The following PCDHGA5 variants were observed in gnomAD, a reference collection of about 807,000 sequenced individuals.
PCDHGA5 encodes the protein protocadherin gamma subfamily A, 5.
Under a neutral mutation model 56.7 loss-of-function variants are expected in PCDHGA5, and 36 were observed. The observed-to-expected ratio is 0.64, with a 90% CI of 0.49 to 0.84. The LOEUF (loss-of-function observed/expected upper bound fraction) is 0.84, where lower values mean the gene tolerates loss of function less well. Ranked by LOEUF, PCDHGA5 falls within the 40% of genes least tolerant of loss-of-function variation. The probability of loss-of-function intolerance (pLI) is 0.00; values close to 1 mark genes in which losing one functional copy is unlikely to be tolerated. For missense variants in PCDHGA5, 1,305 were observed against 1,201.5 expected, an observed-to-expected ratio of 1.09 and a Z score of -1.27; for synonymous variants, 563 against 520.2, an observed-to-expected ratio of 1.08 and a Z score of -1.12.
At chr5:141,506,226 G>A (rs1248069119) in intron 3 of PCDHGA5, among the ~76,000 whole-genome samples, 3 of 152,152 alleles carry the variant, frequency 2.0e-5, no homozygotes, top group Non-Finnish European at 1.5e-5. Flanking sequence ...TGAGGCAGGA[G>A]GATCATGAGG....
intron 1 of PCDHGA5, chr5:141,388,782 A>G (rs1589071559): frequency 6.2e-7 from 1 of 1,613,902 alleles, no homozygotes; most frequent in African/African-American, 1.3e-5. Flanking sequence ...CGGGGAAATT[A>G]CTGTTTTAAA....
At chr5:141,455,159 G>GT (rs1390145608) in intron 1 of PCDHGA5, among the ~76,000 whole-genome samples, 2,419 of 144,948 alleles carry the variant, frequency 0.017, 50 homozygotes, top group African/African-American at 0.056. Context: ...TTAGTTTGTT[G>GT]GTTTTTTTTT....
At chr5:141,459,831 G>A (rs907978430) in intron 1 of PCDHGA5, among the ~76,000 whole-genome samples, 1 of 152,150 alleles carries the variant, frequency 6.6e-6, no homozygotes, top group Admixed American at 6.6e-5. Context: ...CTTTTCATGT[G>A]TTGTCTATTT....
At chr5:141,414,198 A>G (rs1561747621) in intron 1 of PCDHGA5, 2 of 1,611,542 alleles carry the variant, frequency 1.2e-6, no homozygotes, top group Non-Finnish European at 1.7e-6. Flanking sequence ...TGATTACAGT[A>G]GAAGATGTAA....
Position 141,414,407 on chromosome 5 carries a change from A to T in PCDHGA5, c.2421+47656A>T, listed in dbSNP as rs181582338. On this transcript the variant is annotated intron_variant, in intron 1 of 3. Transcript: ENST00000518069. ...GACAGTTATTACAGATTGGTGATACACAGAGCCCTTGACAGGGAACAGGTA... is the reference window on the plus strand; with the variant it reads ...GACAGTTATTACAGATTGGTGATACTCAGAGCCCTTGACAGGGAACAGGTA... 96 of 1,613,912 alleles carry T rather than the reference A, an allele frequency of 5.9e-5. No individual in the cohort carries two copies. In the East Asian group the frequency reaches 1.5e-3, roughly 25 times the overall value.
chr5:141,426,491 G>A, intron 1 of PCDHGA5: 1 of 336,822 alleles, frequency 3.0e-6, no homozygotes, highest in South Asian at 2.4e-5. Flanking sequence ...CTTAGAGTTA[G>A]TGCAGAGAAA....
At chr5:141,498,588 A>G (rs1326073516) in intron 2 of PCDHGA5, among the ~76,000 whole-genome samples, 1 of 152,082 alleles carries the variant, frequency 6.6e-6, no homozygotes, top group Non-Finnish European at 1.5e-5. Context: ...GTTCTTCAGT[A>G]AACTTGGTTC....
chr5:141,463,480 G>A (rs964539275), intron 1 of PCDHGA5, among the ~76,000 whole-genome samples: 3 of 114,320 alleles, frequency 2.6e-5, no homozygotes, highest in African/African-American at 1.1e-4. Context: ...ATGGAGTCTC[G>A]CTCTGTCACC....
chr5:141,438,595 T>TAC (rs2098000070), intron 1 of PCDHGA5, among the ~76,000 whole-genome samples: 6 of 58,022 alleles, frequency 1.0e-4, no homozygotes, highest in African/African-American at 1.8e-4. Context: ...TACATACATA[T>TAC]ATATATATAT....
At chr5:141,403,060 T>G (rs2094346399) in intron 1 of PCDHGA5, 2 of 1,614,042 alleles carry the variant, frequency 1.2e-6, no homozygotes, top group Non-Finnish European at 8.5e-7. Flanking sequence ...ACTCAGTGCC[T>G]GAAGAGACAG....
At chr5:141,445,575 G>A (rs571896159) in intron 1 of PCDHGA5, among the ~76,000 whole-genome samples, 18 of 152,262 alleles carry the variant, frequency 1.2e-4, no homozygotes, top group African/African-American at 4.3e-4. Flanking sequence ...CTTATAGTAG[G>A]GAAGCTTCGC....
chr5:141,500,318 C>T (rs1005060282), intron 2 of PCDHGA5, among the ~76,000 whole-genome samples: 3 of 151,948 alleles, frequency 2.0e-5, no homozygotes, highest in African/African-American at 7.3e-5. Context: ...ACGCCATGCT[C>T]CTGCCTCAGC....
At position 141,365,651 on chromosome 5, in the gene PCDHGA5, A is replaced by C. The variant is rs774193854; in HGVS notation, c.1321A>C (p.Lys441Gln). The C allele has an allele frequency of 3.3e-5, 53 of 1,613,528 alleles. No homozygotes were observed. The highest frequency in any genetic ancestry group is 4.3e-5 in the Non-Finnish European group (51 of 1,179,834). The change falls in exon 1 of 4, where the codon AAA becomes CAA. Residue 441 changes from lysine to glutamine, a missense_variant. Physicochemically the swap from Lys to Gln is moderately conservative, Grantham distance 53 (BLOSUM62 1). Transcript: ENST00000518069. The part of the protein sequence containing the change: ...PLSTESHIPL[K>Q]VADVNDNPPN... ...CTCTACAGAAAGCCACATCCCCTTG[A>C]AAGTAGCAGACGTTAATGACAACCC...
rs2099394683 is a variant in PCDHGA5, at chr5:141,476,602, C to G, written c.2422-18205C>G. 2.5e-6 allele frequency: 4 copies of G among 1,614,208 alleles called. No individual in the cohort carries two copies. The highest frequency in any genetic ancestry group is 2.2e-5 in the East Asian group (1 of 44,862). Reference sequence around the variant, plus strand: ...TTCCGCTCGAGAGCGCGCACGATCCCGATGTGGGAAGCAACTCTTTACAAA... The same window carrying G: ...TTCCGCTCGAGAGCGCGCACGATCCGGATGTGGGAAGCAACTCTTTACAAA... On this transcript the variant is annotated intron_variant, in intron 1 of 3. Transcript: ENST00000518069. This position sits in a 1 kb window ranked among gnomAD's most constrained non-coding sequence, Gnocchi z 7.6.
At chr5:141,403,596 C>G (rs746360206) in intron 1 of PCDHGA5, 16 of 1,613,650 alleles carry the variant, frequency 9.9e-6, no homozygotes, top group African/African-American at 2.7e-5. Flanking sequence ...CTCACGGCCT[C>G]GGATGGCGGC....
intron 1 of PCDHGA5, among the ~76,000 whole-genome samples, chr5:141,461,838 T>G (rs1592748714): frequency 6.6e-6 from 1 of 151,980 alleles, no homozygotes; most frequent in African/African-American, 2.4e-5. Context: ...TTCTTTTTTT[T>G]TTGAGACAGA....
At position 141,431,365 on chromosome 5, in the gene PCDHGA5, C is replaced by T. The variant is rs2097365932; in HGVS notation, c.2422-63442C>T. ...TGGTGCTGAAACGCGCCCTGGACCG[C>T]GAAGAAAAGGCTGCTCACCACCTGG... On this transcript the variant is annotated intron_variant, in intron 1 of 3. Coordinates refer to ENST00000518069, the MANE Select transcript of PCDHGA5 (RefSeq NM_018918.3). The surrounding 1 kb of genome is among the most constrained non-coding windows in gnomAD (Gnocchi z 4.8). 6 of 1,613,980 alleles carry T rather than the reference C, an allele frequency of 3.7e-6. No homozygotes were observed. Among genetic ancestry groups the T allele is most frequent in the Non-Finnish European group, 5.1e-6 (6 of 1,180,028 alleles).
intron 1 of PCDHGA5, chr5:141,394,087 C>G (rs2092917292): frequency 6.2e-7 from 1 of 1,613,770 alleles, no homozygotes; most frequent in Admixed American, 1.7e-5. Flanking sequence ...GTGATGGCCT[C>G]AGATCTAGGA....
intron 1 of PCDHGA5, chr5:141,411,444 T>C (rs1589800236): frequency 6.8e-6 from 1 of 147,662 alleles, no homozygotes; most frequent in African/African-American, 2.5e-5. Context: ...ATTAGCAGAG[T>C]GTGGTAGCAT....
Sources: allele counts gnomAD v4.1 joint callset (sites outside exome capture counted in the v4.1 genomes callset), GRCh38; gene constraint gnomAD v4.1.1; non-coding constraint Gnocchi (gnomAD v3.1); transcripts MANE v1.5; gene names NCBI Gene and HGNC (gene_info 2026-07-23, HGNC 2026-07-21).